CSMD1: variants seen among roughly 807,000 people sequenced by gnomAD.
CSMD1 encodes CUB and Sushi multiple domains 1.
In CSMD1, 213 loss-of-function variants were observed where a neutral mutation model predicts 417.5. The ratio of observed to expected loss-of-function variants is 0.51; its 90% CI spans 0.46 to 0.57. CSMD1 has a LOEUF of 0.57. Among genes scored for constraint, CSMD1 ranks in the 20% least tolerant of loss-of-function variants. The probability of loss-of-function intolerance (pLI) is 0.00; values close to 1 mark genes in which losing one functional copy is unlikely to be tolerated. For synonymous variants in CSMD1, 2,862 were observed against 1,736.8 expected, an observed-to-expected ratio of 1.65 and a Z score of -16.11; for missense variants, 6,923 against 4,529.7, an observed-to-expected ratio of 1.53 and a Z score of -15.17.
Position 4,020,149 on chromosome 8 carries a change from C to T in CSMD1, c.610+11756G>A, listed in dbSNP as rs772418959. On this transcript the variant is annotated intron_variant, in intron 4 of 69. Coordinates refer to ENST00000635120, the MANE Select transcript of CSMD1 (RefSeq NM_033225.6). ...TGCTAACCATTTTACCTGGGTTATG[C>T]CATTTAATCTTTACAACAGATTTCT... Among the ~76,000 whole-genome samples, 6 of 152,174 alleles carry T rather than the reference C, an allele frequency of 3.9e-5. No individual in the cohort carries two copies. In the South Asian group the frequency reaches 6.2e-4, roughly 16 times the overall value.
chr8:4,934,433 T>C lies in CSMD1; in HGVS notation c.85+59899A>G, dbSNP rs575216021. Among the ~76,000 whole-genome samples the C allele has an allele frequency of 1.8e-4, 27 of 152,270 alleles. No homozygotes were observed. The East Asian group carries it at 5.0e-3, about 28-fold the overall frequency. Reference sequence around the variant, plus strand: ...AAGGCATTCTATCATTTCATGTAGTTTTGCAAACCTCTAGCTTGTATTCAC... The same window carrying C: ...AAGGCATTCTATCATTTCATGTAGTCTTGCAAACCTCTAGCTTGTATTCAC... On this transcript the variant is annotated intron_variant, in intron 1 of 69. Coordinates refer to ENST00000635120, the MANE Select transcript of CSMD1 (RefSeq NM_033225.6).
At chr8:3,024,298 G>C (rs551910574) in intron 51 of CSMD1, among the ~76,000 whole-genome samples, 12 of 142,676 alleles carry the variant, frequency 8.4e-5, no homozygotes, top group African/African-American at 2.9e-4. Context: ...GTTTTTTTTG[G>C]GGGGGGAGGG....
intron 2 of CSMD1, among the ~76,000 whole-genome samples, chr8:4,614,071 A>G (rs1801340224): frequency 6.6e-6 from 1 of 152,172 alleles, no homozygotes; most frequent in South Asian, 2.1e-4. Context: ...TAGAGCCAAG[A>G]TTTGACAGTT....
chr8:4,262,455 A>C (rs560839074), intron 3 of CSMD1, among the ~76,000 whole-genome samples: 1 of 152,336 alleles, frequency 6.6e-6, no homozygotes, highest in South Asian at 2.1e-4. Flanking sequence ...CGCGCAGTGC[A>C]GGCAAAGACA....
At chr8:4,126,386 C>T (rs1450700489) in intron 3 of CSMD1, among the ~76,000 whole-genome samples, 1 of 152,174 alleles carries the variant, frequency 6.6e-6, no homozygotes, top group Non-Finnish European at 1.5e-5. Flanking sequence ...AGCATTCACA[C>T]CAGAATGGTG....
intron 3 of CSMD1, among the ~76,000 whole-genome samples, chr8:4,036,833 C>A (rs1797642535): frequency 6.6e-6 from 1 of 152,192 alleles, no homozygotes; most frequent in Admixed American, 6.5e-5. Context: ...TGACCAGGGC[C>A]ACCACCTGTT....
At chr8:4,429,087 C>G (rs1161040160) in intron 2 of CSMD1, among the ~76,000 whole-genome samples, 1 of 151,606 alleles carries the variant, frequency 6.6e-6, no homozygotes, top group Admixed American at 6.6e-5. Flanking sequence ...GTATATATGT[C>G]CATCATAAAA....
At chr8:3,826,095 G>A (rs768076509) in intron 5 of CSMD1, among the ~76,000 whole-genome samples, 1 of 152,068 alleles carries the variant, frequency 6.6e-6, no homozygotes, top group Non-Finnish European at 1.5e-5. Flanking sequence ...ACACAACTAT[G>A]CTTCTGTAAC....
chr8:3,510,506 A>G (rs181144647), intron 10 of CSMD1, among the ~76,000 whole-genome samples: 2 of 151,866 alleles, frequency 1.3e-5, no homozygotes, highest in South Asian at 2.1e-4. Context: ...AGGTCTTAGG[A>G]AAGAAAATCT....
At chr8:3,917,616 T>TTATG (rs533024677) in intron 5 of CSMD1, among the ~76,000 whole-genome samples, 229 of 152,306 alleles carry the variant, frequency 1.5e-3, no homozygotes, top group African/African-American at 5.4e-3. Flanking sequence ...ATATTTATAT[T>TTATG]TTACCTTTTT....
intron 3 of CSMD1, among the ~76,000 whole-genome samples, chr8:4,356,199 T>C (rs1388757573): frequency 2.6e-5 from 4 of 152,298 alleles, no homozygotes; most frequent in East Asian, 3.9e-4. Flanking sequence ...AGTGGGAAGA[T>C]ACAATGTTTG....
At chr8:3,108,975 T>A (rs1005305244) in intron 43 of CSMD1, among the ~76,000 whole-genome samples, 1 of 152,200 alleles carries the variant, frequency 6.6e-6, no homozygotes, top group Non-Finnish European at 1.5e-5. Context: ...TTGTCAAATG[T>A]CAACACTCAC....
intron 41 of CSMD1, among the ~76,000 whole-genome samples, chr8:3,137,655 T>G (rs540566208): frequency 1.3e-5 from 2 of 152,342 alleles, no homozygotes; most frequent in Admixed American, 6.5e-5. Flanking sequence ...CTTGAAGCCA[T>G]CTCTAAATTT....
chr8:3,821,711 G>C (rs1408827095), intron 5 of CSMD1, among the ~76,000 whole-genome samples: 2 of 152,186 alleles, frequency 1.3e-5, no homozygotes, highest in Admixed American at 6.5e-5. Context: ...GAACCCAGGA[G>C]CGGGAGGTTG....
intron 2 of CSMD1, among the ~76,000 whole-genome samples, chr8:4,543,284 AG>A (rs1797481628): frequency 6.6e-6 from 1 of 152,142 alleles, no homozygotes; most frequent in African/African-American, 2.4e-5. Flanking sequence ...AGATCCCCAA[AG>A]CTTCACCTGT....
At chr8:4,985,366 T>TAAAA (rs1563933867) in intron 1 of CSMD1, among the ~76,000 whole-genome samples, 2 of 150,846 alleles carry the variant, frequency 1.3e-5, no homozygotes, top group Non-Finnish European at 3.0e-5. Flanking sequence ...GCCCTGGAAC[T>TAAAA]TAAAAGTTTT....
chr8:3,734,610 C>G (rs568461685), intron 6 of CSMD1, among the ~76,000 whole-genome samples: 2 of 152,288 alleles, frequency 1.3e-5, no homozygotes, highest in East Asian at 1.9e-4. Context: ...ACTCGGGAGT[C>G]TGAGGCAGGA....
chr8:3,772,378 TTCATATATTTATATATAC>T lies in CSMD1; in HGVS notation c.819-18354_819-18337del, dbSNP rs1417759613. Among the ~76,000 whole-genome samples, 9 of 135,038 alleles carry T rather than the reference TTCATATATTTATATATAC, an allele frequency of 6.7e-5. 1 individual carries two copies. The highest frequency in any genetic ancestry group is 1.8e-4 in the African/African-American group (6 of 33,746). The allele number at this position is 135,038 out of a possible 152,430, so 88.6% of individuals were successfully genotyped here. On this transcript the variant is annotated intron_variant, in intron 5 of 69. Transcript: ENST00000635120. ...ATTTATATATACATATATACATATA[TTCATATATTTATATATAC>T]ACATATATACATATATTTATATATA...
At chr8:3,798,481 G>A (rs1450836406) in intron 5 of CSMD1, among the ~76,000 whole-genome samples, 1 of 151,980 alleles carries the variant, frequency 6.6e-6, no homozygotes, top group Non-Finnish European at 1.5e-5. Flanking sequence ...ATATCTTGTG[G>A]ATATACTGCA....
Sources: allele counts gnomAD v4.1 joint callset (sites outside exome capture counted in the v4.1 genomes callset), GRCh38; gene constraint gnomAD v4.1.1; transcripts MANE v1.5; gene names NCBI Gene and HGNC (gene_info 2026-07-23, HGNC 2026-07-21).